The following SLC12A4 variants were observed in gnomAD, a reference collection of about 807,000 sequenced individuals.
The protein encoded by SLC12A4 is solute carrier family 12 member 4.
Under a neutral mutation model 119.2 loss-of-function variants are expected in SLC12A4, and 84 were observed. The ratio of observed to expected loss-of-function variants is 0.70; its 90% CI spans 0.59 to 0.85. SLC12A4 has a LOEUF of 0.85. Ranked by LOEUF, SLC12A4 falls within the 40% of genes least tolerant of loss-of-function variation. SLC12A4 has a pLI of 0.00. For missense variants in SLC12A4, 1,298 were observed against 1,476.3 expected (o/e 0.88, Z 1.98); for synonymous variants, 599 against 604.6 (o/e 0.99, Z 0.14).
chr16:67,945,014 C>G (rs745585150), intron 23 of SLC12A4, 73 bp downstream of exon 23: 2 of 1,602,902 alleles, frequency 1.2e-6, no homozygotes, highest in East Asian at 2.2e-5. Flanking sequence ...CAGGGGTGCC[C>G]AGGAGAGAAG....
chr16:67,966,829 G>A, intron 1 of SLC12A4: 2 of 1,548,736 alleles, frequency 1.3e-6, no homozygotes, highest in Non-Finnish European at 1.7e-6. Context: ...GAAAGAGGAA[G>A]GGAGGCAGTG....
rs1458815924 is a variant in SLC12A4 at position 67,951,119 on chromosome 16, G to A, written c.1297+21C>T. On this transcript the variant is annotated intron_variant, in intron 9 of 23. Transcript: ENST00000316341. This position sits in a 1 kb window ranked among gnomAD's most constrained non-coding sequence, Gnocchi z 5.2. ...CCCGGGATTGGGGACAGGGCTGGGT[G>A]GGTAGGCAGGCAGGGCTCACCTGTT... 1.9e-6 allele frequency: 3 copies of A among 1,613,706 alleles called. No homozygotes were observed. In the Admixed American group the frequency reaches 5.0e-5, roughly 27 times the overall value.
chr16:67,944,172 G>A lies in SLC12A4; in HGVS notation c.*668C>T, dbSNP rs1324826008. On this transcript the variant is annotated 3_prime_UTR_variant, in exon 24 of 24. Transcript: ENST00000316341. The surrounding 1 kb of genome is among the most constrained non-coding windows in gnomAD (Gnocchi z 6.6). Reference sequence around the variant, plus strand: ...CTTATCTGGTGTGGGAGTGGGAGGGGCCCTAGGGCCAGTGGGAGGGACGGC... The same window carrying A: ...CTTATCTGGTGTGGGAGTGGGAGGGACCCTAGGGCCAGTGGGAGGGACGGC... 1 of 1,510,800 alleles carries A rather than the reference G, an allele frequency of 6.6e-7. No individual in the cohort carries two copies. Among genetic ancestry groups the A allele is most frequent in the Admixed American group, 2.1e-5 (1 of 48,654 alleles). The allele number at this position is 1,510,800 out of a possible 1,614,324, so 93.6% of individuals were successfully genotyped here.
chr16:67,950,878 G>A lies in SLC12A4; in HGVS notation c.1396+84C>T. ...GGAGCTATATATGAGTGTGTGGGGT[G>A]TCTGTGCATGTGACCTGGCAACGTA... On this transcript the variant is annotated intron_variant, in intron 10 of 23. Transcript: ENST00000316341. This position sits in a 1 kb window ranked among gnomAD's most constrained non-coding sequence, Gnocchi z 4.3. The A allele has an allele frequency of 6.8e-7, 1 of 1,468,806 alleles. No homozygotes were observed. The highest frequency in any genetic ancestry group is 9.5e-7 in the Non-Finnish European group (1 of 1,055,476). 91.0% of individuals were successfully genotyped at this position (1,468,806 alleles called of 1,614,324 possible).
At chr16:67,963,615 C>A in intron 1 of SLC12A4, 56 bp from the exon 2 acceptor site, 3 of 1,336,390 alleles carry the variant, frequency 2.2e-6, no homozygotes, top group Non-Finnish European at 3.1e-6. Flanking sequence ...AGCCTGGGCC[C>A]CTTCCCAGAA....
At chr16:67,958,751 A>T (rs1475884966) in intron 3 of SLC12A4, among the ~76,000 whole-genome samples, 3 of 152,004 alleles carry the variant, frequency 2.0e-5, no homozygotes, top group African/African-American at 7.3e-5. Context: ...GGTCCCTCAG[A>T]TTCTGCGAAC....
At position 67,944,281 on chromosome 16, in the gene SLC12A4, CCTT is replaced by C. The variant is rs1021675784; in HGVS notation, c.*556_*558del. ...GGCTCTGGGCCTGGGTTCAGTTCCG[CCTT>C]CTTCTCTTGGCGCCAGGGGAAACAG... On this transcript the variant is annotated 3_prime_UTR_variant, in exon 24 of 24. Coordinates refer to ENST00000316341, the MANE Select transcript of SLC12A4 (RefSeq NM_005072.5). This position sits in a 1 kb window ranked among gnomAD's most constrained non-coding sequence, Gnocchi z 6.6. 127 of 1,415,208 alleles carry C rather than the reference CCTT, an allele frequency of 9.0e-5. No individual in the cohort carries two copies. Among genetic ancestry groups the C allele is most frequent in the Non-Finnish European group, 1.1e-4 (119 of 1,086,734 alleles). 87.7% of individuals were successfully genotyped at this position (1,415,208 alleles called of 1,614,324 possible). A position where few individuals can be genotyped will look rare whatever the true frequency, so the allele number is the denominator to read the frequency against.
At position 67,951,342 on chromosome 16, in the gene SLC12A4, C is replaced by T. The variant is rs761187455; in HGVS notation, c.1133-38G>A. 44 of 1,593,408 alleles carry T rather than the reference C, an allele frequency of 2.8e-5. No individual in the cohort carries two copies. The Middle Eastern group carries it at 5.2e-4, about 19-fold the overall frequency. ...CTGTGTCACCACCACAGCTGCCCCCCACTACCCCAGGTAGTTTGGGGCAGC... is the reference window on the plus strand; with the variant it reads ...CTGTGTCACCACCACAGCTGCCCCCTACTACCCCAGGTAGTTTGGGGCAGC... On this transcript the variant is annotated intron_variant, in intron 8 of 23. Coordinates refer to ENST00000316341, the MANE Select transcript of SLC12A4 (RefSeq NM_005072.5). The surrounding 1 kb of genome is among the most constrained non-coding windows in gnomAD (Gnocchi z 5.2).
intron 1 of SLC12A4, chr16:67,963,781 G>C: frequency 9.7e-6 from 11 of 1,131,440 alleles, no homozygotes; most frequent in Non-Finnish European, 1.4e-5. Context: ...ATTCCCTCCA[G>C]TGAAGGGAAT....
chr16:67,966,208 C>T (rs565884634), intron 1 of SLC12A4, among the ~76,000 whole-genome samples: 15 of 152,326 alleles, frequency 9.8e-5, no homozygotes, highest in Admixed American at 6.5e-4. Flanking sequence ...AGAAAAGGGA[C>T]AGTTAGTGCC....
rs2058384851 is a variant in SLC12A4 at position 67,949,165 on chromosome 16, A to G, written c.1748+635T>C. 6.6e-6 allele frequency among the ~76,000 whole-genome samples: 1 copy of G among 152,126 alleles called. No homozygotes were observed. Among genetic ancestry groups the G allele is most frequent in the Non-Finnish European group, 1.5e-5 (1 of 68,026 alleles). Reference sequence around the variant, plus strand: ...TAAAAGCAAATGACTTTGAAAATGGATGGGTTGGGCATGGTGGCTCACGCC... The same window carrying G: ...TAAAAGCAAATGACTTTGAAAATGGGTGGGTTGGGCATGGTGGCTCACGCC... On this transcript the variant is annotated intron_variant, in intron 13 of 23. Transcript: ENST00000316341. The surrounding 1 kb of genome is among the most constrained non-coding windows in gnomAD (Gnocchi z 4.6).
rs2029969839 is a variant in SLC12A4 at position 67,952,394 on chromosome 16, T to C, written c.707A>G (p.Tyr236Cys). 1 of 1,613,870 alleles carries C rather than the reference T, an allele frequency of 6.2e-7. No individual in the cohort carries two copies. The highest frequency in any genetic ancestry group is 1.3e-5 in the African/African-American group (1 of 74,864). ...CGACGTGTCATGAGCACCCGATGGGTAAAAAATGGCAGCTGGTGGGGCAAT... is the reference window on the plus strand; with the variant it reads ...CGACGTGTCATGAGCACCCGATGGGCAAAAAATGGCAGCTGGTGGGGCAAT... ...TYIAPPAAIF[Y>C]PSGAHDTSNA... Residue 236 changes from tyrosine to cysteine, a missense_variant, in exon 7 of 24, where the codon TAC (tyrosine) becomes TGC (cysteine). By Grantham distance (194) the Tyr-to-Cys change is radical (BLOSUM62 -2). Transcript: ENST00000316341.
At chr16:67,952,140 A>G in intron 7 of SLC12A4, 44 bp downstream of exon 7, 2 of 1,611,788 alleles carry the variant, frequency 1.2e-6, no homozygotes, top group Non-Finnish European at 1.7e-6. Flanking sequence ...GCTACATGGG[A>G]GGGATGTCCA....
chr16:67,945,704 G>GCGGTCTCCAAAGGCCTGACCCTGC, intron 21 of SLC12A4, 60 bp downstream of exon 21: 1 of 1,543,080 alleles, frequency 6.5e-7, no homozygotes, highest in East Asian at 2.3e-5. Context: ...ACCCACCGAT[G>GCGGTCTCCAAAGGCCTGACCCTGC]CGGTCTCCAA....
chr16:67,954,121 C>CGGCA (rs1567421000), intron 6 of SLC12A4: 1 of 409,006 alleles, frequency 2.4e-6, no homozygotes, highest in African/African-American at 2.1e-5. Flanking sequence ...CCCACTGGTA[C>CGGCA]GGCAGTTCAC....
At chr16:67,968,372 C>A (rs2030957559) in intron 1 of SLC12A4, 67 bp downstream of exon 1, 2 of 1,406,854 alleles carry the variant, frequency 1.4e-6, no homozygotes, top group Non-Finnish European at 1.9e-6. Flanking sequence ...CGGGCGCGGG[C>A]CCGGGATGGC....
chr16:67,948,121 C>A lies in SLC12A4; in HGVS notation c.1787G>T (p.Cys596Phe), dbSNP rs768091293. Residue 596 changes from cysteine (C) to phenylalanine (F), a missense_variant, in exon 14 of 24, where the codon TGT (cysteine) becomes TTT (phenylalanine). Coordinates refer to ENST00000316341, the MANE Select transcript of SLC12A4 (RefSeq NM_005072.5). ...LMCYLFVNLA[C>F]AVQTLLRTPN... Reference sequence around the variant, plus strand: ...GGTCCTCAGGAGTGTCTGCACCGCACAGGCGAGGTTCACGAACAGGTAGCA... The same window carrying A: ...GGTCCTCAGGAGTGTCTGCACCGCAAAGGCGAGGTTCACGAACAGGTAGCA... 2 of 1,613,290 alleles carry A rather than the reference C, an allele frequency of 1.2e-6. No homozygotes were observed. The highest frequency in any genetic ancestry group is 1.7e-6 in the Non-Finnish European group (2 of 1,180,008).
chr16:67,964,381 C>T (rs976204383), intron 1 of SLC12A4, among the ~76,000 whole-genome samples: 1 of 152,130 alleles, frequency 6.6e-6, no homozygotes, highest in Non-Finnish European at 1.5e-5. Context: ...AATAAGCCTG[C>T]CTCAACTCCC....
chr16:67,950,476 C>T lies in SLC12A4; in HGVS notation c.1472G>A (p.Ser491Asn), dbSNP rs1567417573. Residue 491 changes from serine to asparagine, a missense_variant, in exon 12 of 24, where the codon AGC becomes AAC. Transcript: ENST00000316341. This position sits in a 1 kb window ranked among gnomAD's most constrained non-coding sequence, Gnocchi z 4.3. Reference sequence around the variant, plus strand: ...CAGTGTGCCCACCACCAAGTTCCTGCTGACACCATCGCCATACCTGCAGGG... The same window carrying T: ...CAGTGTGCCCACCACCAAGTTCCTGTTGACACCATCGCCATACCTGCAGGG... Reference protein sequence around the residue: ...VLRDKYGDGVSRNLVVGTLAW... With the variant: ...VLRDKYGDGVNRNLVVGTLAW... The T allele has an allele frequency of 6.2e-7, 1 of 1,613,990 alleles. No homozygotes were observed. The highest frequency in any genetic ancestry group is 8.5e-7 in the Non-Finnish European group (1 of 1,180,006).
Sources: gnomAD v4.1 joint callset for allele counts (sites outside exome capture counted in the v4.1 genomes callset) on GRCh38, gnomAD v4.1.1 for gene constraint, Gnocchi (gnomAD v3.1) non-coding constraint, MANE v1.5 for transcripts, NCBI Gene and HGNC (gene_info 2026-07-23, HGNC 2026-07-21) for gene names.